Variants in RASAL2 observed in about 807,000 individuals in gnomAD.
RASAL2 encodes RAS protein activator like 2.
Under a neutral mutation model 128.9 loss-of-function variants are expected in RASAL2, and 58 were observed. The ratio of observed to expected loss-of-function variants is 0.45; its 90% CI spans 0.36 to 0.56. The LOEUF is 0.56. Among genes scored for constraint, RASAL2 ranks in the 20% least tolerant of loss-of-function variants. The pLI is 0.00. For synonymous variants in RASAL2, 561 were observed against 580.8 expected (o/e 0.97, Z 0.49); for missense variants, 1,360 against 1,601.6 (o/e 0.85, Z 2.57).
At position 178,326,364 on chromosome 1, in the gene RASAL2, A is replaced by G. The variant is rs1457385392; in HGVS notation, c.457+26246A>G. 5.3e-5 allele frequency among the ~76,000 whole-genome samples: 8 copies of G among 152,278 alleles called. No individual in the cohort carries two copies. The East Asian group carries it at 1.5e-3, about 29-fold the overall frequency. ...TAATTATCCCTCATAAGTGAGAATA[A>G]TAAGTGGATTTTCAAAAGAAATGTT... On this transcript the variant is annotated intron_variant, in intron 3 of 17. Coordinates refer to ENST00000367649, the MANE Select transcript of RASAL2 (RefSeq NM_170692.4).
intron 1 of RASAL2, among the ~76,000 whole-genome samples, chr1:178,167,414 T>G (rs191157449): frequency 3.0e-4 from 45 of 152,260 alleles, no homozygotes. Flanking sequence ...TTTCAGATAA[T>G]GAATCAAAAT....
At chr1:178,113,197 G>T (rs1659398412) in intron 1 of RASAL2, among the ~76,000 whole-genome samples, 2 of 151,744 alleles carry the variant, frequency 1.3e-5, no homozygotes, top group Non-Finnish European at 2.9e-5. Flanking sequence ...AATTCCATCG[G>T]TCTGTTGTCT....
At chr1:178,443,518 C>G (rs140381913) in intron 8 of RASAL2, among the ~76,000 whole-genome samples, 76 of 152,268 alleles carry the variant, frequency 5.0e-4, no homozygotes, top group African/African-American at 1.3e-3. Flanking sequence ...CACGATAACC[C>G]TACAGCATGT....
chr1:178,309,387 T>C (rs1323765368), intron 3 of RASAL2, among the ~76,000 whole-genome samples: 1 of 152,180 alleles, frequency 6.6e-6, no homozygotes, highest in Non-Finnish European at 1.5e-5. Flanking sequence ...GGCAGTGATA[T>C]GCAAGTAATT....
intron 1 of RASAL2, among the ~76,000 whole-genome samples, chr1:178,256,873 C>T (rs1473129642): frequency 1.3e-5 from 2 of 151,984 alleles, no homozygotes; most frequent in Non-Finnish European, 2.9e-5. Context: ...GGGGTTTCAC[C>T]GTGTTGCCCA....
chr1:178,190,900 G>A (rs2101947155), intron 1 of RASAL2, among the ~76,000 whole-genome samples: 1 of 152,248 alleles, frequency 6.6e-6, no homozygotes, highest in African/African-American at 2.4e-5. Flanking sequence ...TTTAAATAAA[G>A]ATGATGCCAA....
In RASAL2 at chr1:178,443,224, G is replaced by A; in HGVS notation, c.1477G>A (p.Ala493Thr). 2 of 1,599,664 alleles carry A rather than the reference G, an allele frequency of 1.3e-6. No individual in the cohort carries two copies. The highest frequency in any genetic ancestry group is 1.7e-6 in the Non-Finnish European group (2 of 1,168,690). Residue 493 changes from alanine to threonine, a missense_variant, in exon 8 of 18, where the codon GCC becomes ACC. Physicochemically the swap from Ala to Thr is moderately conservative, Grantham distance 58. Around this residue, in one of 3 missense-constraint regions of RASAL2, gnomAD observed 617 missense variants for 714.2 expected, o/e 0.86. Transcript: ENST00000367649. ...LVHILQSTGR[A>T]KDFLTDLVMS... is the part of the protein sequence containing the mutation. ...GCACATTCTTCAAAGTACTGGCAGA[G>A]CCAAGGTAAGTGGAAAAGGGGGATT...
chr1:178,406,094 C>T (rs1197491239), intron 4 of RASAL2, among the ~76,000 whole-genome samples: 4 of 152,168 alleles, frequency 2.6e-5, no homozygotes, highest in Non-Finnish European at 5.9e-5. Flanking sequence ...GAATTTCCAA[C>T]CAAGCTTTTA....
intron 1 of RASAL2, among the ~76,000 whole-genome samples, chr1:178,247,709 A>G (rs1322568470): frequency 6.6e-6 from 1 of 152,038 alleles, no homozygotes; most frequent in Non-Finnish European, 1.5e-5. Flanking sequence ...GGCATTTAGT[A>G]CTATAAATTT....
At chr1:178,324,877 G>T (rs1668962392) in intron 3 of RASAL2, among the ~76,000 whole-genome samples, 1 of 152,094 alleles carries the variant, frequency 6.6e-6, no homozygotes, top group African/African-American at 2.4e-5. Context: ...ACTGCCTCAA[G>T]GAATGAAGTT....
At chr1:178,180,737 AT>A (rs890357034) in intron 1 of RASAL2, among the ~76,000 whole-genome samples, 9 of 151,332 alleles carry the variant, frequency 5.9e-5, no homozygotes, top group Non-Finnish European at 1.3e-4. Context: ...TCTAACCACA[AT>A]TTTTAATTAG....
intron 3 of RASAL2, among the ~76,000 whole-genome samples, chr1:178,365,434 ATGT>A (rs1671346879): frequency 3.7e-5 from 1 of 27,090 alleles, no homozygotes; most frequent in Non-Finnish European, 9.3e-5. Flanking sequence ...GTTGCCTGTT[ATGT>A]TATGTTATGT....
intron 1 of RASAL2, among the ~76,000 whole-genome samples, chr1:178,145,011 G>T (rs1660670276): frequency 1.3e-5 from 2 of 152,066 alleles, no homozygotes; most frequent in Admixed American, 6.5e-5. Context: ...TTTAAGTTCT[G>T]GGCCATTGAT....
At chr1:178,338,828 C>T (rs1336298961) in intron 3 of RASAL2, among the ~76,000 whole-genome samples, 1 of 152,260 alleles carries the variant, frequency 6.6e-6, no homozygotes, top group East Asian at 1.9e-4. Flanking sequence ...ACAGTTTTCT[C>T]CGGTTGCTGA....
intron 1 of RASAL2, among the ~76,000 whole-genome samples, chr1:178,275,969 CATAGTAA>C (rs1666492881): frequency 6.6e-6 from 1 of 152,142 alleles, no homozygotes; most frequent in Admixed American, 6.6e-5. Context: ...GTTGTGGTCT[CATAGTAA>C]ATTTATGGTA....
chr1:178,314,287 A>G (rs1668396142), intron 3 of RASAL2, among the ~76,000 whole-genome samples: 2 of 152,216 alleles, frequency 1.3e-5, no homozygotes, highest in African/African-American at 4.8e-5. Flanking sequence ...AGAATTCAGA[A>G]AATGTCAGTA....
intron 1 of RASAL2, among the ~76,000 whole-genome samples, chr1:178,126,027 C>G (rs1659886914): frequency 6.6e-6 from 1 of 152,202 alleles, no homozygotes; most frequent in Admixed American, 6.5e-5. Context: ...ATGTGCCAGA[C>G]ACTTTCTGGG....
Position 178,466,061 on chromosome 1 carries a change from G to T in RASAL2, c.3529G>T (p.Glu1177Ter). ...LEYKARLEDS[E>*]ERLRRQQEEK... Reference sequence around the variant, plus strand: ...ATACAAGGCCCGACTGGAGGACAGCGAGGAGCGGCTCCGAAGACAGCAGGA... The same window carrying T: ...ATACAAGGCCCGACTGGAGGACAGCTAGGAGCGGCTCCGAAGACAGCAGGA... The change falls in exon 16 of 18, where the codon GAG (glutamate) becomes TAG (stop). Residue 1177 changes from glutamate (E) to a stop codon, truncating the protein, a stop_gained. Coordinates refer to ENST00000367649, the MANE Select transcript of RASAL2 (RefSeq NM_170692.4). LOFTEE classifies it high-confidence loss of function. 1 of 1,583,122 alleles carries T rather than the reference G, an allele frequency of 6.3e-7. No homozygotes were observed. Among genetic ancestry groups the T allele is most frequent in the Non-Finnish European group, 8.6e-7 (1 of 1,163,086 alleles).
At chr1:178,176,166 AT>A (rs1205438910) in intron 1 of RASAL2, among the ~76,000 whole-genome samples, 1 of 152,152 alleles carries the variant, frequency 6.6e-6, no homozygotes, top group Non-Finnish European at 1.5e-5. Flanking sequence ...ACTAATTTAC[AT>A]TCCAACCAGC....
Sources: gnomAD v4.1 joint callset for allele counts (sites outside exome capture counted in the v4.1 genomes callset) on GRCh38, gnomAD v4.1.1 for gene constraint, gnomAD v4.1.1 regional missense constraint, MANE v1.5 for transcripts, NCBI Gene and HGNC (gene_info 2026-07-23, HGNC 2026-07-21) for gene names.